Variants in KIDINS220 observed in about 807,000 individuals in gnomAD.
The protein encoded by KIDINS220 is kinase D interacting substrate 220.
KIDINS220 carries 63 observed loss-of-function variants against 157.6 expected under a neutral mutation model. The ratio of observed to expected loss-of-function variants is 0.40; its 90% CI spans 0.33 to 0.49. KIDINS220 has a LOEUF of 0.49. Ranked by LOEUF, KIDINS220 falls within the 20% of genes least tolerant of loss-of-function variation. The pLI is 0.66. For missense variants in KIDINS220, 1,772 were observed against 2,171.2 expected (o/e 0.82, Z 3.65); for synonymous variants, 732 against 783.6 (o/e 0.93, Z 1.10).
intron 26 of KIDINS220, among the ~76,000 whole-genome samples, chr2:8,744,819 A>G (rs919929458): frequency 5.3e-5 from 8 of 152,118 alleles, no homozygotes; most frequent in Non-Finnish European, 1.0e-4. Context: ...GACAAAACAA[A>G]TTTTACATTC....
In KIDINS220 at chr2:8,799,547, C is replaced by A. The variant is rs192915293; in HGVS notation, c.900+853G>T. Among the ~76,000 whole-genome samples the A allele has an allele frequency of 1.4e-3, 216 of 152,298 alleles. 2 individuals carry two copies. The highest frequency in any genetic ancestry group is 4.9e-3 in the African/African-American group (205 of 41,566). On this transcript the variant is annotated intron_variant, in intron 9 of 29. Transcript: ENST00000256707. ...CCCTACCTCAAGACTCATACTTGAACCTTTTGCTAGGCAATCAATCATATA... is the reference window on the plus strand; with the variant it reads ...CCCTACCTCAAGACTCATACTTGAAACTTTTGCTAGGCAATCAATCATATA...
chr2:8,769,415 C>A (rs1473768468), intron 22 of KIDINS220, among the ~76,000 whole-genome samples: 1 of 152,194 alleles, frequency 6.6e-6, no homozygotes, highest in Non-Finnish European at 1.5e-5. Context: ...TAAGACATCA[C>A]TCCACAGTTC....
chr2:8,775,128 T>C (rs1405594117), intron 21 of KIDINS220, among the ~76,000 whole-genome samples: 1 of 151,866 alleles, frequency 6.6e-6, no homozygotes, highest in East Asian at 1.9e-4. Context: ...TGGAAAAGAG[T>C]TGGATTAATA....
intron 7 of KIDINS220, among the ~76,000 whole-genome samples, chr2:8,805,904 G>C (rs927955038): frequency 5.9e-5 from 9 of 152,174 alleles, no homozygotes; most frequent in Non-Finnish European, 1.2e-4. Context: ...CCAGATGTGT[G>C]TAAGTGCACT....
In KIDINS220 at chr2:8,802,993, C is replaced by T; in HGVS notation, c.738G>A (p.Glu246=). ...GNTALMIASK[E]GHTEIVQDLL... ...GATCCTGCACAATCTCCGTATGTCC[C>T]TCCTTTGATGCAATCATCAAAGCTG... The change falls in exon 8 of 30, where the codon GAG becomes GAA. Residue 246 remains glutamate, a synonymous_variant. Coordinates refer to ENST00000256707, the MANE Select transcript of KIDINS220 (RefSeq NM_020738.4). 1 of 1,613,934 alleles carries T rather than the reference C, an allele frequency of 6.2e-7. No individual in the cohort carries two copies. The highest frequency in any genetic ancestry group is 1.1e-5 in the South Asian group (1 of 91,088).
intron 26 of KIDINS220, among the ~76,000 whole-genome samples, chr2:8,740,556 T>C (rs900876956): frequency 5.9e-5 from 9 of 152,340 alleles, no homozygotes; most frequent in South Asian, 2.1e-4. Context: ...TTTAAAAACA[T>C]TGAATAAGAA....
chr2:8,738,061 T>C (rs115367879), intron 26 of KIDINS220, among the ~76,000 whole-genome samples: 1 of 152,224 alleles, frequency 6.6e-6, no homozygotes, highest in East Asian at 1.9e-4. Context: ...TACAATTGTT[T>C]ACATTTTTTG....
chr2:8,776,005 T>C (rs1227335181), intron 21 of KIDINS220, among the ~76,000 whole-genome samples: 1 of 152,224 alleles, frequency 6.6e-6, no homozygotes, highest in African/African-American at 2.4e-5. Context: ...ACATATATGT[T>C]GATAACATAC....
chr2:8,832,918 A>G (rs189658287), intron 1 of KIDINS220, among the ~76,000 whole-genome samples: 368 of 152,160 alleles, frequency 2.4e-3, no homozygotes, highest in African/African-American at 8.6e-3. Context: ...ACTAATACAT[A>G]ATAATTGTAC....
intron 26 of KIDINS220, among the ~76,000 whole-genome samples, chr2:8,737,644 G>A (rs1665068040): frequency 6.6e-6 from 1 of 152,128 alleles, no homozygotes; most frequent in African/African-American, 2.4e-5. Flanking sequence ...TCATTTAAAA[G>A]GAAAGTCAAA....
chr2:8,722,357 G>A (rs981428059), downstream of KIDINS220: 5 of 152,236 alleles, frequency 3.3e-5, no homozygotes, highest in African/African-American at 4.8e-5. Context: ...CAGACACAAA[G>A]TCTAGTTTTC....
intron 22 of KIDINS220, among the ~76,000 whole-genome samples, chr2:8,769,398 T>C (rs1051582818): frequency 2.6e-5 from 4 of 152,228 alleles, no homozygotes; most frequent in African/African-American, 9.6e-5. Flanking sequence ...CTTCCACTAC[T>C]GTTTCTTAAG....
chr2:8,806,746 A>AT (rs1675512785), intron 6 of KIDINS220, among the ~76,000 whole-genome samples: 1 of 151,924 alleles, frequency 6.6e-6, no homozygotes, highest in Non-Finnish European at 1.5e-5. Flanking sequence ...CAAATGGCTC[A>AT]TTTTTTCGTA....
At chr2:8,743,225 AAAAC>A (rs1356162614) in intron 26 of KIDINS220, among the ~76,000 whole-genome samples, 1 of 152,218 alleles carries the variant, frequency 6.6e-6, no homozygotes, top group African/African-American at 2.4e-5. Flanking sequence ...AAATTCTAAG[AAAAC>A]AAACCGATTA....
chr2:8,773,552 A>C (rs1670524840), intron 21 of KIDINS220, among the ~76,000 whole-genome samples: 1 of 151,826 alleles, frequency 6.6e-6, no homozygotes, highest in African/African-American at 2.4e-5. Context: ...AGCTCACTGC[A>C]AACTCTGCCT....
chr2:8,786,560 C>T (rs1471117731), intron 15 of KIDINS220, among the ~76,000 whole-genome samples: 1 of 151,938 alleles, frequency 6.6e-6, no homozygotes, highest in African/African-American at 2.4e-5. Flanking sequence ...TAGGAAAAAA[C>T]AGTAACAAAA....
chr2:8,828,544 T>A (rs532770192), intron 1 of KIDINS220, among the ~76,000 whole-genome samples: 1 of 152,238 alleles, frequency 6.6e-6, no homozygotes, highest in East Asian at 1.9e-4. Flanking sequence ...ATCCATACTT[T>A]GTACCACATA....
rs775766802 is a variant in KIDINS220 at position 8,806,262 on chromosome 2, G to C, written c.603+9C>G. On this transcript the variant is annotated intron_variant, in intron 7 of 29. Coordinates refer to ENST00000256707, the MANE Select transcript of KIDINS220 (RefSeq NM_020738.4). Reference sequence around the variant, plus strand: ...TCTATTGCCAAGCATTAAAATATAAGATACTTACAGCTCCTTCTTGATCCA... The same window carrying C: ...TCTATTGCCAAGCATTAAAATATAACATACTTACAGCTCCTTCTTGATCCA... The C allele has an allele frequency of 1.3e-6, 2 of 1,560,920 alleles. No homozygotes were observed. The highest frequency in any genetic ancestry group is 1.4e-5 in the African/African-American group (1 of 73,110).
chr2:8,747,534 A>T, intron 25 of KIDINS220: 2 of 422,074 alleles, frequency 4.7e-6, no homozygotes, highest in Non-Finnish European at 8.6e-6. Context: ...TGGTGCTAAT[A>T]TTTACATACT....
Sources: allele counts gnomAD v4.1 joint callset (sites outside exome capture counted in the v4.1 genomes callset), GRCh38; gene constraint gnomAD v4.1.1; transcripts MANE v1.5; gene names NCBI Gene and HGNC (gene_info 2026-07-23, HGNC 2026-07-21).